Variants in PLBD1 observed in about 807,000 individuals in gnomAD.
PLBD1 encodes the protein phospholipase B domain containing 1.
A neutral mutation model predicts 63.0 loss-of-function variants in PLBD1; 60 were observed. That is an observed-to-expected ratio of 0.95 (90% CI 0.77 to 1.18). PLBD1 has a LOEUF of 1.18. PLBD1 is among the 50% of genes most tolerant of loss of function. The pLI is 0.00. For synonymous variants in PLBD1, 262 were observed against 248.0 expected, an observed-to-expected ratio of 1.06 and a Z score of -0.53; for missense variants, 598 against 677.9, an observed-to-expected ratio of 0.88 and a Z score of 1.31.
chr12:14,559,312 A>G (rs1398254606), intron 1 of PLBD1, among the ~76,000 whole-genome samples: 1 of 152,192 alleles, frequency 6.6e-6, no homozygotes, highest in Non-Finnish European at 1.5e-5. Flanking sequence ...AAATGAAAAG[A>G]AAGCCATTTA....
chr12:14,513,589 C>G (rs567357177), intron 6 of PLBD1, among the ~76,000 whole-genome samples: 1 of 152,158 alleles, frequency 6.6e-6, no homozygotes, highest in African/African-American at 2.4e-5. Context: ...AGAAGACCTG[C>G]ATTTTAGTTT....
At chr12:14,531,569 C>T (rs570459638) in intron 6 of PLBD1, among the ~76,000 whole-genome samples, 1 of 152,262 alleles carries the variant, frequency 6.6e-6, no homozygotes, top group Admixed American at 6.5e-5. Context: ...ACAGTGTAAA[C>T]ATAGATCGAC....
Position 14,507,124 on chromosome 12 carries a change from T to G in PLBD1, c.1187-6A>C. ...ATTGTAGGAGGGCCAATATCCTGAT[T>G]TGGAATGGAAGGGAAGTAAGGGAGG... On this transcript the variant is annotated splice_polypyrimidine_tract_variant and splice_region_variant and intron_variant, in intron 8 of 10. Transcript: ENST00000240617. The G allele has an allele frequency of 6.3e-7, 1 of 1,588,466 alleles. No homozygotes were observed.
intron 2 of PLBD1, among the ~76,000 whole-genome samples, chr12:14,542,559 A>C (rs1248372775): frequency 6.6e-6 from 1 of 152,210 alleles, no homozygotes; most frequent in Non-Finnish European, 1.5e-5. Flanking sequence ...ATATATTTTA[A>C]AAATCAAACA....
rs1480050273 is a variant in PLBD1 at position 14,536,730 on chromosome 12, G to A, written c.559-20C>T. The A allele has an allele frequency of 6.2e-7, 1 of 1,610,108 alleles. No individual in the cohort carries two copies. The highest frequency in any genetic ancestry group is 1.7e-5 in the Admixed American group (1 of 59,532). ...CATTGGCTAGGAAAGGACAAAGACT[G>A]CACTTAACATCGTTTTGTGACAGAC... On this transcript the variant is annotated intron_variant, in intron 4 of 10. Coordinates refer to ENST00000240617, the MANE Select transcript of PLBD1 (RefSeq NM_024829.6).
At chr12:14,506,777 C>G (rs1401749400) in intron 9 of PLBD1, among the ~76,000 whole-genome samples, 156 bp downstream of exon 9, 1 of 151,650 alleles carries the variant, frequency 6.6e-6, no homozygotes, top group Non-Finnish European at 1.5e-5. Context: ...GGCCAAAGCT[C>G]TATTTATTGA....
At chr12:14,545,589 C>T (rs1272019257) in intron 2 of PLBD1, among the ~76,000 whole-genome samples, 1 of 152,172 alleles carries the variant, frequency 6.6e-6, no homozygotes, top group Non-Finnish European at 1.5e-5. Flanking sequence ...TTATCTGATG[C>T]TTTTCACTGA....
chr12:14,535,259 CT>C (rs949450558), intron 6 of PLBD1, among the ~76,000 whole-genome samples: 1 of 152,192 alleles, frequency 6.6e-6, no homozygotes, highest in Admixed American at 6.5e-5. Context: ...AGGTTAAGTG[CT>C]GTGGATAGTG....
chr12:14,564,315 T>C (rs1162517360), intron 1 of PLBD1, among the ~76,000 whole-genome samples: 2 of 152,020 alleles, frequency 1.3e-5, no homozygotes, highest in Non-Finnish European at 2.9e-5. Flanking sequence ...TCCAGGATAT[T>C]AAACTTTTTG....
rs200669113 is a variant in PLBD1 at position 14,511,510 on chromosome 12, C to T, written c.1045+1G>A. 5.6e-6 allele frequency: 9 copies of T among 1,614,176 alleles called. No homozygotes were observed. The Admixed American group carries it at 1.3e-4, about 24-fold the overall frequency. On this transcript the variant is annotated splice_donor_variant, in intron 7 of 10. Coordinates refer to ENST00000240617, the MANE Select transcript of PLBD1 (RefSeq NM_024829.6). LOFTEE classifies it high-confidence loss of function. ...AACAGTTATTCTGCAGGGTCACTTACCAGAGTTGTATTTTGAAAAGATGTC... is the reference window on the plus strand; with the variant it reads ...AACAGTTATTCTGCAGGGTCACTTATCAGAGTTGTATTTTGAAAAGATGTC...
intron 6 of PLBD1, among the ~76,000 whole-genome samples, chr12:14,525,380 A>T (rs1431220540): frequency 6.6e-6 from 1 of 152,144 alleles, no homozygotes; most frequent in Non-Finnish European, 1.5e-5. Flanking sequence ...AAACTAAATA[A>T]AATTTACAAA....
rs780263371 is a variant in PLBD1, at chr12:14,503,826, G to A, written c.1608C>T (p.Val536=). ...TCATGGTAATAAAATCAAAGTTGTAGACCTCTGGCATGCCCTGATGTAGAG... is the reference window on the plus strand; with the variant it reads ...TCATGGTAATAAAATCAAAGTTGTAAACCTCTGGCATGCCCTGATGTAGAG... ...NKTLHQGMPE[V]YNFDFITMKP... is the part of the protein sequence containing the mutation. Residue 536 remains valine, a synonymous_variant, in exon 11 of 11, where the codon GTC becomes GTT. Coordinates refer to ENST00000240617, the MANE Select transcript of PLBD1 (RefSeq NM_024829.6). 8 of 1,613,904 alleles carry A rather than the reference G, an allele frequency of 5.0e-6. No individual in the cohort carries two copies. Among genetic ancestry groups the A allele is most frequent in the East Asian group, 2.2e-5 (1 of 44,874 alleles).
At chr12:14,552,204 A>G (rs1945664945) in intron 2 of PLBD1, among the ~76,000 whole-genome samples, 1 of 152,226 alleles carries the variant, frequency 6.6e-6, no homozygotes, top group Admixed American at 6.5e-5. Flanking sequence ...AAAAGAGGCA[A>G]GCAAAGTCAT....
chr12:14,531,548 C>T (rs763837458), intron 6 of PLBD1, among the ~76,000 whole-genome samples: 1 of 152,298 alleles, frequency 6.6e-6, no homozygotes, highest in East Asian at 1.9e-4. Flanking sequence ...TAAAGCTACA[C>T]TGGGAATTTT....
chr12:14,558,224 T>C (rs1473475961), intron 1 of PLBD1, among the ~76,000 whole-genome samples: 1 of 152,120 alleles, frequency 6.6e-6, no homozygotes, highest in Non-Finnish European at 1.5e-5. Context: ...CTAAGTCAAT[T>C]GACTTCTGAG....
chr12:14,516,364 A>C (rs1374445087), intron 6 of PLBD1, among the ~76,000 whole-genome samples: 1 of 152,058 alleles, frequency 6.6e-6, no homozygotes, highest in Non-Finnish European at 1.5e-5. Context: ...ACAACAACAA[A>C]AAAGGCTAAG....
intron 1 of PLBD1, among the ~76,000 whole-genome samples, chr12:14,563,338 G>T (rs35938180): frequency 1.3e-5 from 2 of 151,848 alleles, no homozygotes; most frequent in African/African-American, 2.4e-5. Context: ...TGGGCAAAAT[G>T]GTGAACCTCA....
intron 6 of PLBD1, among the ~76,000 whole-genome samples, chr12:14,519,438 C>T (rs191740419): frequency 6.6e-6 from 1 of 151,656 alleles, no homozygotes; most frequent in African/African-American, 2.4e-5. Context: ...GCTAACAGGG[C>T]GAAACCCTGT....
chr12:14,525,857 G>A (rs777947934), intron 6 of PLBD1, among the ~76,000 whole-genome samples: 2 of 152,034 alleles, frequency 1.3e-5, no homozygotes, highest in Non-Finnish European at 2.9e-5. Context: ...GGCACTAAAT[G>A]GGATAATTAC....
Sources: gnomAD v4.1 joint callset for allele counts (sites outside exome capture counted in the v4.1 genomes callset) on GRCh38, gnomAD v4.1.1 for gene constraint, MANE v1.5 for transcripts, NCBI Gene and HGNC (gene_info 2026-07-23, HGNC 2026-07-21) for gene names.